The following MAGI1 variants were observed in gnomAD, a reference collection of about 807,000 sequenced individuals.
MAGI1 encodes the protein membrane associated guanylate kinase, WW and PDZ domain containing 1.
Under a neutral mutation model 139.9 loss-of-function variants are expected in MAGI1, and 58 were observed. The ratio of observed to expected loss-of-function variants is 0.41; its 90% confidence interval spans 0.34 to 0.52. The LOEUF (loss-of-function observed/expected upper bound fraction) is 0.52. Ranked by LOEUF, MAGI1 falls within the 20% of genes least tolerant of loss-of-function variation. The pLI is 0.12. For missense variants in MAGI1, 1,874 were observed against 1,901.6 expected, an observed-to-expected ratio of 0.99 and a Z score of 0.27; for synonymous variants, 812 against 737.9, an observed-to-expected ratio of 1.10 and a Z score of -1.63.
chr3:65,940,433 C>A (rs1437809648), intron 1 of MAGI1, among the ~76,000 whole-genome samples: 1 of 152,150 alleles, frequency 6.6e-6, no homozygotes, highest in East Asian at 1.9e-4. Context: ...GGGATATGGA[C>A]TGCCATCTTC....
intron 2 of MAGI1, among the ~76,000 whole-genome samples, chr3:65,506,073 T>A (rs1340166348): frequency 1.3e-5 from 2 of 152,172 alleles, no homozygotes; most frequent in African/African-American, 2.4e-5. Flanking sequence ...ATTGCAGGGA[T>A]CTAAAGCTCT....
intron 1 of MAGI1, among the ~76,000 whole-genome samples, chr3:65,803,735 T>C (rs1342325161): frequency 1.3e-5 from 2 of 152,136 alleles, no homozygotes; most frequent in Admixed American, 1.3e-4. Context: ...GTGTCTGTTG[T>C]TCCCCTCTCT....
At chr3:65,701,688 C>T (rs1430036283) in intron 1 of MAGI1, among the ~76,000 whole-genome samples, 1 of 152,066 alleles carries the variant, frequency 6.6e-6, no homozygotes, top group East Asian at 1.9e-4. Context: ...CTAGGAAGAG[C>T]TTGAATAAGA....
chr3:65,514,245 T>C (rs942176707), intron 2 of MAGI1, among the ~76,000 whole-genome samples: 1 of 148,792 alleles, frequency 6.7e-6, no homozygotes, highest in Non-Finnish European at 1.5e-5. Flanking sequence ...GACATAGGCA[T>C]GGGCAAGGAC....
At chr3:65,913,159 G>C (rs1339024075) in intron 1 of MAGI1, among the ~76,000 whole-genome samples, 1 of 152,068 alleles carries the variant, frequency 6.6e-6, no homozygotes, top group Admixed American at 6.6e-5. Flanking sequence ...TACTCAGCAG[G>C]CTGAGGCACA....
intron 1 of MAGI1, among the ~76,000 whole-genome samples, chr3:65,712,925 T>A (rs2031682653): frequency 6.6e-6 from 1 of 152,188 alleles, no homozygotes; most frequent in Admixed American, 6.5e-5. Flanking sequence ...TCTCTGCAAA[T>A]CTCAGCAAGT....
intron 1 of MAGI1, among the ~76,000 whole-genome samples, chr3:65,936,364 G>A (rs988433787): frequency 1.3e-5 from 2 of 152,142 alleles, no homozygotes; most frequent in African/African-American, 4.8e-5. Context: ...GTGACCAGGT[G>A]TAGTGGCTCA....
chr3:65,487,405 A>C (rs529248232), intron 3 of MAGI1, among the ~76,000 whole-genome samples: 1 of 152,328 alleles, frequency 6.6e-6, no homozygotes, highest in East Asian at 1.9e-4. Flanking sequence ...ACAAACTAGT[A>C]ACTGAGGCTA....
chr3:65,540,923 G>A (rs562384629), intron 2 of MAGI1, among the ~76,000 whole-genome samples: 5 of 152,298 alleles, frequency 3.3e-5, no homozygotes, highest in South Asian at 2.1e-4. Context: ...AGGGCTCCCC[G>A]TGGTGCAGCA....
chr3:66,021,953 T>G (rs2067987533), intron 1 of MAGI1, among the ~76,000 whole-genome samples: 1 of 152,242 alleles, frequency 6.6e-6, no homozygotes, highest in Non-Finnish European at 1.5e-5. Flanking sequence ...GCCTGCAATC[T>G]GTTAGCAGCC....
At chr3:65,611,451 C>T (rs1321052424) in intron 2 of MAGI1, among the ~76,000 whole-genome samples, 1 of 143,890 alleles carries the variant, frequency 6.9e-6, no homozygotes, top group African/African-American at 2.5e-5. Flanking sequence ...ATATAGTATA[C>T]TGTTTATACT....
chr3:65,890,140 G>A (rs372059337), intron 1 of MAGI1, among the ~76,000 whole-genome samples: 26 of 151,012 alleles, frequency 1.7e-4, no homozygotes, highest in African/African-American at 4.2e-4. Flanking sequence ...CCGAGTGGAC[G>A]GATCACGAGG....
chr3:66,016,925 T>A (rs1340983245), intron 1 of MAGI1, among the ~76,000 whole-genome samples: 1 of 152,144 alleles, frequency 6.6e-6, no homozygotes, highest in African/African-American at 2.4e-5. Flanking sequence ...TTCACTTTTA[T>A]GAGGTATCTG....
intron 1 of MAGI1, among the ~76,000 whole-genome samples, chr3:65,747,132 C>A (rs2035776455): frequency 6.6e-6 from 1 of 152,182 alleles, no homozygotes; most frequent in South Asian, 2.1e-4. Context: ...AAGACCGTGT[C>A]TCAGTCACCT....
At chr3:66,028,564 G>C (rs2068422272) in intron 1 of MAGI1, among the ~76,000 whole-genome samples, 1 of 151,798 alleles carries the variant, frequency 6.6e-6, no homozygotes, top group African/African-American at 2.4e-5. Context: ...CCCAGACGTG[G>C]TACCAGGAAG....
At chr3:65,636,703 T>TAC (rs10662746) in intron 1 of MAGI1, among the ~76,000 whole-genome samples, 15,095 of 148,516 alleles carry the variant, frequency 0.1, 1,096 homozygotes, top group African/African-American at 0.21. Context: ...GGAAAACACA[T>TAC]ACACACACAC....
At chr3:65,886,390 C>A (rs1463260698) in intron 1 of MAGI1, among the ~76,000 whole-genome samples, 5 of 152,116 alleles carry the variant, frequency 3.3e-5, no homozygotes, top group East Asian at 1.9e-4. Flanking sequence ...TCTCAAGATT[C>A]TCTTTTTAAA....
At chr3:65,419,921 AGT>A (rs1166990908) in intron 12 of MAGI1, among the ~76,000 whole-genome samples, 1 of 152,134 alleles carries the variant, frequency 6.6e-6, no homozygotes, top group African/African-American at 2.4e-5. Context: ...TTATAGAAAA[AGT>A]GTGTCCCCCC....
At chr3:65,634,503 A>T (rs1468318213) in intron 1 of MAGI1, among the ~76,000 whole-genome samples, 2 of 152,168 alleles carry the variant, frequency 1.3e-5, no homozygotes, top group Non-Finnish European at 2.9e-5. Context: ...CGAGGCCCCA[A>T]ATTCACCAGC....
Sources: allele counts gnomAD v4.1 joint callset (sites outside exome capture counted in the v4.1 genomes callset), GRCh38; gene constraint gnomAD v4.1.1; transcripts MANE v1.5; gene names NCBI Gene and HGNC (gene_info 2026-07-23, HGNC 2026-07-21).